DLG5: variants seen among roughly 807,000 people sequenced by gnomAD.
DLG5 encodes the protein discs large MAGUK scaffold protein 5, also known as disks large homolog 5.
Under a neutral mutation model 189.8 loss-of-function variants are expected in DLG5, and 48 were observed. That is an observed-to-expected ratio of 0.25 (90% CI 0.20 to 0.32). The LOEUF (loss-of-function observed/expected upper bound fraction) is 0.32, where lower values mean the gene tolerates loss of function less well. Ranked by LOEUF, DLG5 falls within the 10% of genes least tolerant of loss-of-function variation. The pLI is 1.00. For missense variants in DLG5, 2,160 were observed against 2,544.7 expected (o/e 0.85, Z 3.25); for synonymous variants, 1,016 against 1,054.1 (o/e 0.96, Z 0.70).
chr10:77,797,510 C>T (rs1354655766), intron 27 of DLG5, among the ~76,000 whole-genome samples: 1 of 152,214 alleles, frequency 6.6e-6, no homozygotes, highest in Non-Finnish European at 1.5e-5. Flanking sequence ...CCAGGAGCGG[C>T]GGGCTTCAGT....
At position 77,819,875 on chromosome 10, in the gene DLG5, C is replaced by T. The variant is rs993684362; in HGVS notation, c.3526+20G>A. On this transcript the variant is annotated intron_variant, in intron 16 of 31. Transcript: ENST00000372391. The stretch of plus-strand genomic sequence containing the variant: ...AGTTTACACCGACCCTCAGCCCCAG[C>T]CCCTGGCTGGCTGACTCACCCACAG... The T allele has an allele frequency of 3.2e-6, 5 of 1,539,060 alleles. No individual in the cohort carries two copies. The highest frequency in any genetic ancestry group is 4.4e-6 in the Non-Finnish European group (5 of 1,146,368).
At chr10:77,866,792 C>A (rs1047032928) in intron 2 of DLG5, 18 of 366,040 alleles carry the variant, frequency 4.9e-5, no homozygotes, top group African/African-American at 3.0e-4. Context: ...AGCACAGCCT[C>A]ATATGGGAGC....
intron 1 of DLG5, among the ~76,000 whole-genome samples, chr10:77,901,696 G>A (rs1196521125): frequency 6.6e-6 from 1 of 152,164 alleles, no homozygotes. Flanking sequence ...GCAACCCCTG[G>A]CAAAAGCAGC....
rs558327029 is a variant in DLG5, at chr10:77,896,926, T to C, written c.305-27729A>G. Among the ~76,000 whole-genome samples, 236 of 151,956 alleles carry C rather than the reference T, an allele frequency of 1.6e-3. 1 individual carries two copies. The highest frequency in any genetic ancestry group is 2.9e-3 in the Non-Finnish European group (198 of 67,968). ...TTCCATTCTTTGATGGATCTGAACA[T>C]TTTCAAAACAAAATGTCAGAGAAAG... On this transcript the variant is annotated intron_variant, in intron 1 of 31. Coordinates refer to ENST00000372391, the MANE Select transcript of DLG5 (RefSeq NM_004747.4).
At chr10:77,868,800 T>G in intron 2 of DLG5, 1 of 339,448 alleles carries the variant, frequency 2.9e-6, no homozygotes, top group South Asian at 3.7e-5. Context: ...AAGGGGTGAG[T>G]CTCCTGGGCA....
At chr10:77,898,427 G>A (rs545399604) in intron 1 of DLG5, among the ~76,000 whole-genome samples, 2 of 152,366 alleles carry the variant, frequency 1.3e-5, no homozygotes, top group African/African-American at 4.8e-5. Flanking sequence ...ATCTGAGGAC[G>A]GGTCCCCTGC....
chr10:77,875,818 A>C (rs1845069164), intron 1 of DLG5, among the ~76,000 whole-genome samples: 1 of 151,956 alleles, frequency 6.6e-6, no homozygotes, highest in African/African-American at 2.4e-5. Flanking sequence ...TGGCAGGGAA[A>C]AAAAAAAGAA....
chr10:77,820,929 T>C, intron 15 of DLG5, 153 bp downstream of exon 15: 1 of 978,260 alleles, frequency 1.0e-6, no homozygotes, highest in South Asian at 1.8e-5. Context: ...ACCTCCTAGC[T>C]GGGCCACTTC....
rs772203646 is a variant in DLG5 at position 77,853,489 on chromosome 10, G to A, written c.729C>T (p.Asp243=). Residue 243 remains aspartate, a synonymous_variant, in exon 5 of 32, where the codon GAC becomes GAT. Coordinates refer to ENST00000372391, the MANE Select transcript of DLG5 (RefSeq NM_004747.4). Reference sequence around the variant, plus strand: ...CATTCTCCCGCCTCAGCATGTCCACGTCATCCTTCAGCCGAGTCTGGTCAC... The same window carrying A: ...CATTCTCCCGCCTCAGCATGTCCACATCATCCTTCAGCCGAGTCTGGTCAC... ...LLSDQTRLKD[D]VDMLRRENGQ... is the part of the protein sequence containing the mutation. 6.3e-5 allele frequency: 102 copies of A among 1,611,160 alleles called. No individual in the cohort carries two copies. The highest frequency in any genetic ancestry group is 3.3e-4 in the Middle Eastern group (2 of 6,078).
Position 77,821,702 on chromosome 10 carries a change from C to A in DLG5, c.2782G>T (p.Val928Phe). ...PFETEVGPCG[V>F]GEASLDKADS... The stretch of plus-strand genomic sequence containing the variant: ...GCCTTGTCCAGGGAGGCCTCCCCAA[C>A]CCCACAGGGGCCCACCTCGGTCTCA... The change falls in exon 15 of 32, where the codon GTT (valine) becomes TTT (phenylalanine). Residue 928 changes from valine (V) to phenylalanine (F), a missense_variant. By Grantham distance (50) the Val-to-Phe change is conservative. Transcript: ENST00000372391. 6.2e-7 allele frequency: 1 copy of A among 1,612,224 alleles called. No homozygotes were observed. Among genetic ancestry groups the A allele is most frequent in the Non-Finnish European group, 8.5e-7 (1 of 1,179,632 alleles).
At chr10:77,814,463 A>T (rs11002302) in intron 20 of DLG5, among the ~76,000 whole-genome samples, 168 of 14,948 alleles carry the variant, frequency 0.011, no homozygotes, top group East Asian at 0.089. Flanking sequence ...AAGCATGTTT[A>T]TATATATATA....
chr10:77,911,178 G>T (rs1846210629), intron 1 of DLG5, among the ~76,000 whole-genome samples: 1 of 152,018 alleles, frequency 6.6e-6, no homozygotes, highest in Non-Finnish European at 1.5e-5. Flanking sequence ...ACCCAGGTTG[G>T]AGTGCACTGG....
At chr10:77,866,994 A>T in intron 2 of DLG5, 1 of 457,232 alleles carries the variant, frequency 2.2e-6, no homozygotes, top group South Asian at 1.5e-5. Flanking sequence ...GACAGTACAG[A>T]CCCATCCTGC....
chr10:77,826,739 G>A (rs1255650380), intron 13 of DLG5, among the ~76,000 whole-genome samples: 1 of 152,240 alleles, frequency 6.6e-6, no homozygotes, highest in African/African-American at 2.4e-5. Flanking sequence ...CCTGACGTCA[G>A]GAGCTCGAGA....
intron 1 of DLG5, among the ~76,000 whole-genome samples, chr10:77,902,878 T>A (rs1057431816): frequency 1.0e-3 from 144 of 143,098 alleles, no homozygotes; most frequent in East Asian, 6.8e-3. Flanking sequence ...AATAAAAAAA[T>A]AAATAAATAA....
At chr10:77,846,513 A>G (rs1462572420) in intron 5 of DLG5, among the ~76,000 whole-genome samples, 1 of 151,970 alleles carries the variant, frequency 6.6e-6, no homozygotes, top group African/African-American at 2.4e-5. Context: ...CCTGGCTAAC[A>G]TGGTGAAACC....
chr10:77,821,837 C>T lies in DLG5; in HGVS notation c.2647G>A (p.Ala883Thr). Residue 883 changes from alanine (A) to threonine (T), a missense_variant, in exon 15 of 32, where the codon GCC becomes ACC. Ala to Thr is a moderately conservative substitution (Grantham distance 58). Around this residue, in one of 5 missense-constraint regions of DLG5, gnomAD observed 754 missense variants for 746.5 expected, o/e 1.01. Coordinates refer to ENST00000372391, the MANE Select transcript of DLG5 (RefSeq NM_004747.4). ...CTACGCTCAGAGGCACTGGGACAGG[C>T]CTGGGGGCAGACCTGCAAGGGTCCC... ...PGGPLQVCPQ[A>T]CPSASERSLS... 1 of 1,613,802 alleles carries T rather than the reference C, an allele frequency of 6.2e-7. No homozygotes were observed. Among genetic ancestry groups the T allele is most frequent in the Non-Finnish European group, 8.5e-7 (1 of 1,179,866 alleles).
At chr10:77,913,629 C>T (rs1013977492) in intron 1 of DLG5, among the ~76,000 whole-genome samples, 2 of 152,120 alleles carry the variant, frequency 1.3e-5, no homozygotes, top group African/African-American at 4.8e-5. Context: ...GGCTCTGTCT[C>T]CCAGGCTGGA....
At chr10:77,866,012 T>C (rs1392517756) in intron 2 of DLG5, among the ~76,000 whole-genome samples, 3 of 152,340 alleles carry the variant, frequency 2.0e-5, no homozygotes, top group South Asian at 2.1e-4. Flanking sequence ...GTGGAAGTGA[T>C]GTTTTTATTA....
Sources: gnomAD v4.1 joint callset for allele counts (sites outside exome capture counted in the v4.1 genomes callset) on GRCh38, gnomAD v4.1.1 for gene constraint, gnomAD v4.1.1 regional missense constraint, MANE v1.5 for transcripts, NCBI Gene and HGNC (gene_info 2026-07-23, HGNC 2026-07-21) for gene names.